TMEM182: variants seen among roughly 807,000 people sequenced by gnomAD.
TMEM182 encodes transmembrane protein 182.
A neutral mutation model predicts 26.8 loss-of-function variants in TMEM182; 20 were observed. The ratio of observed to expected loss-of-function variants is 0.75; its 90% CI spans 0.53 to 1.09. TMEM182 has a LOEUF of 1.09. TMEM182 is among the 50% of genes least tolerant of loss of function. The pLI is 0.00. For missense variants in TMEM182, 277 were observed against 275.5 expected (o/e 1.01, Z -0.04); for synonymous variants, 109 against 102.2 (o/e 1.07, Z -0.40).
intron 1 of TMEM182, among the ~76,000 whole-genome samples, chr2:102,755,595 A>G (rs1395735247): frequency 6.6e-6 from 1 of 152,190 alleles, no homozygotes; most frequent in Non-Finnish European, 1.5e-5. Context: ...GATATTATGA[A>G]TATTTGTCAA....
intron 4 of TMEM182, among the ~76,000 whole-genome samples, chr2:102,804,876 A>G (rs774955548): frequency 9.2e-5 from 14 of 152,234 alleles, no homozygotes; most frequent in Non-Finnish European, 5.9e-5. Flanking sequence ...TAAACAGCAT[A>G]GACTAGTTAC....
At chr2:102,790,151 G>A (rs2104713281) in intron 3 of TMEM182, among the ~76,000 whole-genome samples, 1 of 152,318 alleles carries the variant, frequency 6.6e-6, no homozygotes, top group African/African-American at 2.4e-5. Context: ...GTCTTACTCT[G>A]GCAGTTTTTG....
chr2:102,809,842 C>T (rs1037228751), intron 4 of TMEM182, among the ~76,000 whole-genome samples: 1 of 152,088 alleles, frequency 6.6e-6, no homozygotes, highest in African/African-American at 2.4e-5. Flanking sequence ...ATTTTGTTTT[C>T]TGATTCTAGT....
At chr2:102,798,047 A>C in intron 4 of TMEM182, 47 bp downstream of exon 4, 1 of 1,558,938 alleles carries the variant, frequency 6.4e-7, no homozygotes, top group African/African-American at 1.4e-5. Context: ...GTTTTTCTTC[A>C]TGTCTTTCTA....
At chr2:102,764,502 G>A in intron 3 of TMEM182, 75 bp downstream of exon 3, 2 of 1,212,072 alleles carry the variant, frequency 1.7e-6, no homozygotes, top group Non-Finnish European at 1.2e-6. Flanking sequence ...CAAAATTGTT[G>A]TGAGCAATTA....
At chr2:102,791,125 G>A (rs1300922230) in intron 3 of TMEM182, among the ~76,000 whole-genome samples, 4 of 152,012 alleles carry the variant, frequency 2.6e-5, no homozygotes, top group Non-Finnish European at 4.4e-5. Flanking sequence ...TTATAGAAAC[G>A]TAATTTCACC....
chr2:102,843,422 TTC>T lies in TMEM182; in HGVS notation c.342_343del (p.Cys115LeufsTer15), dbSNP rs1452329952. The stretch of plus-strand genomic sequence containing the variant: ...TTCACTCTTTTCTAGATGGAATTTC[TTC>T]TCTCTGTTACTCAAGCCTCTCAAAG... On this transcript the variant is annotated frameshift_variant, in exon 4 of 4. Coordinates refer to the TMEM182 transcript ENST00000486293. LOFTEE classifies it low-confidence loss of function (END_TRUNC). The T allele has an allele frequency of 1.3e-5, 2 of 152,214 alleles. No homozygotes were observed. The highest frequency in any genetic ancestry group is 4.8e-5 in the African/African-American group (2 of 41,442). The allele number at this position is 152,214 out of a possible 1,614,324, so 9.4% of individuals were successfully genotyped here. A position where few individuals can be genotyped will look rare whatever the true frequency, so the allele number is the denominator to read the frequency against.
chr2:102,829,309 A>G (rs1426094103), intron 3 of TMEM182, among the ~76,000 whole-genome samples: 3 of 152,218 alleles, frequency 2.0e-5, no homozygotes, highest in African/African-American at 7.2e-5. Flanking sequence ...CACAGGATCC[A>G]TATGCTAACT....
At chr2:102,835,128 G>A (rs191008054) in intron 3 of TMEM182, among the ~76,000 whole-genome samples, 8 of 152,274 alleles carry the variant, frequency 5.3e-5, no homozygotes, top group Admixed American at 5.2e-4. Flanking sequence ...AATGCTAAAT[G>A]CAGCAGGAAG....
At position 102,796,853 on chromosome 2, in the gene TMEM182, C is replaced by A. The variant is rs147727885; in HGVS notation, c.332-1010C>A. On this transcript the variant is annotated intron_variant, in intron 3 of 4. Coordinates refer to ENST00000412401, the MANE Select transcript of TMEM182 (RefSeq NM_144632.5). ...AAAACTCCAGTTGATTGATAGATTT[C>A]TTCTTTGCCAGGAAGGCTTCTTGAG... Among the ~76,000 whole-genome samples the A allele has an allele frequency of 2.7e-4, 41 of 152,248 alleles. 1 individual carries two copies. The East Asian group carries it at 7.7e-3, about 29-fold the overall frequency.
intron 3 of TMEM182, among the ~76,000 whole-genome samples, chr2:102,795,013 A>G (rs555329008): frequency 3.4e-4 from 52 of 152,110 alleles, no homozygotes; most frequent in African/African-American, 1.2e-3. Flanking sequence ...TGTTTCTCAT[A>G]TTGAATAATT....
chr2:102,817,378 T>G lies in TMEM182; in HGVS notation c.*2410T>G. The G allele has an allele frequency of 1.0e-6, 1 of 985,418 alleles. No individual in the cohort carries two copies. Among genetic ancestry groups the G allele is most frequent in the Non-Finnish European group, 1.2e-6 (1 of 829,924 alleles). The allele number at this position is 985,418 out of a possible 1,614,324, so 61.0% of individuals were successfully genotyped here. ...CAGTTACACTTTTAGAAAGAGTGAA[T>G]AAAAAGGGCAGTGAGTTATGCTCTT... On this transcript the variant is annotated 3_prime_UTR_variant, in exon 5 of 5. Coordinates refer to ENST00000412401, the MANE Select transcript of TMEM182 (RefSeq NM_144632.5).
At chr2:102,779,128 G>A (rs1381652428) in intron 3 of TMEM182, among the ~76,000 whole-genome samples, 2 of 151,490 alleles carry the variant, frequency 1.3e-5, no homozygotes, top group African/African-American at 4.8e-5. Context: ...TTTTCTTTTA[G>A]TGCTTGAAAA....
At chr2:102,748,600 A>G (rs945348650) in intron 1 of TMEM182, among the ~76,000 whole-genome samples, 8 of 152,234 alleles carry the variant, frequency 5.3e-5, no homozygotes, top group Non-Finnish European at 8.8e-5. Flanking sequence ...ACTAAAATAA[A>G]CAAAACAGAG....
chr2:102,828,258 T>A (rs1436767859), intron 3 of TMEM182, among the ~76,000 whole-genome samples: 1 of 152,148 alleles, frequency 6.6e-6, no homozygotes, highest in Non-Finnish European at 1.5e-5. Context: ...GTGAACTGTG[T>A]CTCAGGAGAT....
intron 1 of TMEM182, 21 bp from the exon 2 acceptor site, chr2:102,762,566 A>T (rs532234987): frequency 1.3e-6 from 2 of 1,596,474 alleles, no homozygotes; most frequent in African/African-American, 1.4e-5. Flanking sequence ...ATGGCAAGTT[A>T]CTTCATTTTG....
At chr2:102,773,586 G>A (rs896788215) in intron 3 of TMEM182, among the ~76,000 whole-genome samples, 2 of 151,658 alleles carry the variant, frequency 1.3e-5, no homozygotes, top group Non-Finnish European at 2.9e-5. Flanking sequence ...TAGAAGACGT[G>A]GTCACAGAGG....
intron 3 of TMEM182, among the ~76,000 whole-genome samples, chr2:102,779,560 C>T (rs1247087079): frequency 6.6e-6 from 1 of 152,176 alleles, no homozygotes; most frequent in Non-Finnish European, 1.5e-5. Flanking sequence ...TCTCATTACT[C>T]AATCTTGAAG....
chr2:102,809,133 G>A lies in TMEM182; in HGVS notation c.470-5615G>A, dbSNP rs1001026228. On this transcript the variant is annotated intron_variant, in intron 4 of 4. Coordinates refer to ENST00000412401, the MANE Select transcript of TMEM182 (RefSeq NM_144632.5). ...CCATTAGGAAAACCTTCAGACTATG[G>A]CAGTTTAATATCATATCTTCAAACT... Among the ~76,000 whole-genome samples, 7 of 152,254 alleles carry A rather than the reference G, an allele frequency of 4.6e-5. No individual in the cohort carries two copies. The South Asian group carries it at 8.3e-4, about 18-fold the overall frequency.
Sources: gnomAD v4.1 joint callset for allele counts (sites outside exome capture counted in the v4.1 genomes callset) on GRCh38, gnomAD v4.1.1 for gene constraint, MANE v1.5 for transcripts, NCBI Gene and HGNC (gene_info 2026-07-23, HGNC 2026-07-21) for gene names.